Variants in ATP6V1D observed in about 807,000 individuals in gnomAD.
ATP6V1D encodes ATPase H+ transporting V1 subunit D.
Under a neutral mutation model 39.4 loss-of-function variants are expected in ATP6V1D, and 20 were observed. The ratio of observed to expected loss-of-function variants is 0.51; its 90% CI spans 0.36 to 0.74. The LOEUF (loss-of-function observed/expected upper bound fraction) is 0.74. Among genes scored for constraint, ATP6V1D ranks in the 30% least tolerant of loss-of-function variants. ATP6V1D has a pLI of 0.00. For missense variants in ATP6V1D, 228 were observed against 291.6 expected, an observed-to-expected ratio of 0.78 and a Z score of 1.59; for synonymous variants, 100 against 100.5, an observed-to-expected ratio of 0.99 and a Z score of 0.03.
At chr14:67,349,168 T>A in intron 3 of ATP6V1D, 64 bp from the exon 4 acceptor site, 1 of 1,474,170 alleles carries the variant, frequency 6.8e-7, no homozygotes, top group Non-Finnish European at 9.4e-7. Flanking sequence ...AGGGACCCAC[T>A]GGATAGTTTT....
At chr14:67,345,429 T>C (rs1455279266) in intron 6 of ATP6V1D, among the ~76,000 whole-genome samples, 5 of 151,470 alleles carry the variant, frequency 3.3e-5, no homozygotes, top group African/African-American at 1.2e-4. Context: ...TGGTGGCACA[T>C]GTCTGTAATC....
intron 7 of ATP6V1D, among the ~76,000 whole-genome samples, chr14:67,342,841 G>GTTTC: frequency 6.6e-6 from 1 of 152,022 alleles, no homozygotes; most frequent in Admixed American, 6.5e-5. Context: ...AAAATTGAGT[G>GTTTC]TTTCTTTAAT....
intron 7 of ATP6V1D, among the ~76,000 whole-genome samples, chr14:67,342,423 T>C (rs1375896060): frequency 1.3e-5 from 2 of 151,416 alleles, no homozygotes; most frequent in Admixed American, 1.3e-4. Context: ...ATTTTAAATA[T>C]AGTAGCAATC....
At chr14:67,355,880 A>G (rs8006519) in intron 1 of ATP6V1D, among the ~76,000 whole-genome samples, 23,529 of 151,922 alleles carry the variant, frequency 0.15, 3,450 homozygotes, top group East Asian at 0.42. Context: ...CACACCGGTA[A>G]TCCCATATAC....
chr14:67,346,772 A>G (rs2085622106), intron 5 of ATP6V1D, among the ~76,000 whole-genome samples: 1 of 152,242 alleles, frequency 6.6e-6, no homozygotes, highest in African/African-American at 2.4e-5. Context: ...AGTGTCTAAG[A>G]TCTTATTTGA....
chr14:67,359,352 C>G (rs2085710701), intron 1 of ATP6V1D, among the ~76,000 whole-genome samples: 1 of 152,162 alleles, frequency 6.6e-6, no homozygotes, highest in Non-Finnish European at 1.5e-5. Flanking sequence ...AATCCAGTGC[C>G]CGGCTCAATA....
Position 67,338,412 on chromosome 14 carries a change from G to T in ATP6V1D, c.*209C>A. 1 of 512,228 alleles carries T rather than the reference G, an allele frequency of 2.0e-6. No individual in the cohort carries two copies. Among genetic ancestry groups the T allele is most frequent in the Non-Finnish European group, 3.4e-6 (1 of 296,140 alleles). The allele number at this position is 512,228 out of a possible 1,614,324, so 31.7% of individuals were successfully genotyped here. A position where few individuals can be genotyped will look rare whatever the true frequency, so the allele number is the denominator to read the frequency against. ...CAAAGTAAATTCTGTAAGTTCCTGG[G>T]CAGGTTTTACAGATCTCTTTCATCC... On this transcript the variant is annotated 3_prime_UTR_variant, in exon 9 of 9. Coordinates refer to ENST00000216442, the MANE Select transcript of ATP6V1D (RefSeq NM_015994.4).
chr14:67,350,265 C>CA (rs1281129120), intron 3 of ATP6V1D, among the ~76,000 whole-genome samples: 2 of 151,340 alleles, frequency 1.3e-5, no homozygotes, highest in Non-Finnish European at 2.9e-5. Flanking sequence ...CCTAATATTC[C>CA]AAAAAACTGA....
At chr14:67,349,136 G>T (rs1369004354) in intron 3 of ATP6V1D, 32 bp from the exon 4 acceptor site, 2 of 1,599,866 alleles carry the variant, frequency 1.3e-6, no homozygotes, top group Non-Finnish European at 1.7e-6. Context: ...TTATTTAGCA[G>T]ACTCTTCAGA....
chr14:67,356,830 T>A (rs890285824), intron 1 of ATP6V1D, among the ~76,000 whole-genome samples: 1 of 152,236 alleles, frequency 6.6e-6, no homozygotes, highest in African/African-American at 2.4e-5. Context: ...GAGAAGGAGC[T>A]ATCCATCTCA....
intron 5 of ATP6V1D, among the ~76,000 whole-genome samples, 183 bp from the exon 6 acceptor site, chr14:67,346,054 A>G (rs1383086853): frequency 6.6e-6 from 1 of 152,236 alleles, no homozygotes; most frequent in African/African-American, 2.4e-5. Context: ...GCTACTAAAT[A>G]CAGTTTCCCA....
At chr14:67,341,698 C>T (rs181036398) in intron 7 of ATP6V1D, among the ~76,000 whole-genome samples, 28,783 of 152,114 alleles carry the variant, frequency 0.19, 4,368 homozygotes, top group East Asian at 0.48. Flanking sequence ...CAACAGCTCA[C>T]TGAGAACAGG....
chr14:67,349,976 T>C (rs931629794), intron 3 of ATP6V1D, among the ~76,000 whole-genome samples: 2 of 152,234 alleles, frequency 1.3e-5, no homozygotes. Context: ...CCTCTGCCCC[T>C]AATTAGCCAA....
intron 1 of ATP6V1D, among the ~76,000 whole-genome samples, chr14:67,354,398 T>C (rs945331651): frequency 5.9e-5 from 9 of 152,230 alleles, no homozygotes; most frequent in African/African-American, 2.2e-4. Context: ...ATCTATCCAC[T>C]AATATATATC....
In ATP6V1D at chr14:67,353,002, T is replaced by A. The variant is rs1364562185; in HGVS notation, c.80A>T (p.Gln27Leu). 6.2e-7 allele frequency: 1 copy of A among 1,614,124 alleles called. No individual in the cohort carries two copies. The highest frequency in any genetic ancestry group is 1.6e-4 in the Middle Eastern group (1 of 6,062). The change falls in exon 2 of 9, where the codon CAG becomes CTG. Residue 27 changes from glutamine (Q) to leucine (L), a missense_variant. Gln to Leu is a moderately radical substitution (Grantham distance 113). This residue lies in a region of ATP6V1D where 104 missense variants were observed against 120.2 expected (regional missense o/e 0.87). Transcript: ENST00000216442. ...TIMKARLKGA[Q>L]TGRNLLKKKS... Reference sequence around the variant, plus strand: ...TTTCTTCAGGAGGTTTCGACCTGTCTGTGCTCCCTTTAAACGAGCCTTCAT... The same window carrying A: ...TTTCTTCAGGAGGTTTCGACCTGTCAGTGCTCCCTTTAAACGAGCCTTCAT...
intron 2 of ATP6V1D, among the ~76,000 whole-genome samples, chr14:67,352,416 G>T (rs149741091): frequency 8.3e-5 from 12 of 145,264 alleles, no homozygotes; most frequent in Admixed American, 7.0e-4. Context: ...TGCAGAGTAA[G>T]ACCTTGCCTC....
intron 2 of ATP6V1D, among the ~76,000 whole-genome samples, chr14:67,352,435 A>G (rs2085661118): frequency 6.6e-6 from 1 of 151,996 alleles, no homozygotes; most frequent in African/African-American, 2.4e-5. Flanking sequence ...TCAAAAAAAA[A>G]AAAAAAAGAA....
At chr14:67,343,209 C>CTTT (rs571111599) in intron 7 of ATP6V1D, among the ~76,000 whole-genome samples, 163 bp downstream of exon 7, 10 of 148,126 alleles carry the variant, frequency 6.8e-5, no homozygotes, top group African/African-American at 2.2e-4. Flanking sequence ...CTTCATAACA[C>CTTT]TTTTTTTTTT....
At chr14:67,340,686 CCCCTCT>C (rs1161485707) in intron 7 of ATP6V1D, among the ~76,000 whole-genome samples, 168 bp from the exon 8 acceptor site, 2 of 152,176 alleles carry the variant, frequency 1.3e-5, no homozygotes, top group Non-Finnish European at 2.9e-5. Context: ...TCTCCCCCTC[CCCCTCT>C]CCCTCTCCCC....
Sources: gnomAD v4.1 joint callset for allele counts (sites outside exome capture counted in the v4.1 genomes callset) on GRCh38, gnomAD v4.1.1 for gene constraint, gnomAD v4.1.1 regional missense constraint, MANE v1.5 for transcripts, NCBI Gene and HGNC (gene_info 2026-07-23, HGNC 2026-07-21) for gene names.